Variants in RBM42 observed in about 807,000 individuals in gnomAD.
RBM42 encodes the protein RNA binding motif protein 42.
In RBM42, 21 loss-of-function variants were observed where a neutral mutation model predicts 41.4. The ratio of observed to expected loss-of-function variants is 0.51; its 90% CI spans 0.36 to 0.73. The LOEUF (loss-of-function observed/expected upper bound fraction) is 0.73. RBM42 is among the 30% of genes least tolerant of loss of function. The pLI, the probability that RBM42 is intolerant of heterozygous loss-of-function variation, is 0.00. For synonymous variants in RBM42, 272 were observed against 271.2 expected (o/e 1.00, Z -0.03); for missense variants, 539 against 680.4 (o/e 0.79, Z 2.31).
At chr19:35,629,498 G>A in intron 1 of RBM42, 22 bp from the exon 2 acceptor site, 1 of 1,613,416 alleles carries the variant, frequency 6.2e-7, no homozygotes, top group South Asian at 1.1e-5. Context: ...CCTGAGCGCT[G>A]ATGTCTGTTC....
intron 6 of RBM42, 102 bp from the exon 7 acceptor site, chr19:35,633,585 G>GC (rs1297579185): frequency 1.7e-6 from 2 of 1,168,974 alleles, no homozygotes; most frequent in Non-Finnish European, 2.2e-6. Context: ...TCTCTTGGCT[G>GC]CTCTCTGGCC....
chr19:35,637,341 G>A lies in RBM42; in HGVS notation c.1319G>A (p.Arg440His), dbSNP rs753990775. The A allele has an allele frequency of 1.7e-5, 27 of 1,614,120 alleles. No homozygotes were observed. Among genetic ancestry groups the A allele is most frequent in the Non-Finnish European group, 2.1e-5 (25 of 1,180,048 alleles). The part of the protein sequence containing the change: ...KDPSDYVRAM[R>H]EMNGKYVGSR... ...CCCAGCGACTACGTGCGCGCCATGC[G>A]TGAGATGAATGGTGGGTGCGGCCTC... The change falls in exon 9 of 10, where the codon CGT becomes CAT. Residue 440 changes from arginine to histidine, a missense_variant. Arg to His is a conservative substitution (Grantham distance 29). Around this residue, in one of 2 missense-constraint regions of RBM42, gnomAD observed 110 missense variants for 191.5 expected, o/e 0.57. Coordinates refer to ENST00000262633, the MANE Select transcript of RBM42 (RefSeq NM_024321.5). This position sits in a 1 kb window ranked among gnomAD's most constrained non-coding sequence, Gnocchi z 7.0.
rs1459077413 is a variant in RBM42 at position 35,634,300 on chromosome 19, G to T, written c.1062G>T (p.Glu354Asp). The T allele has an allele frequency of 1.2e-6, 2 of 1,614,200 alleles. No individual in the cohort carries two copies. The highest frequency in any genetic ancestry group is 8.5e-7 in the Non-Finnish European group (1 of 1,180,036). Residue 354 changes from glutamate (E) to aspartate (D), a missense_variant, in exon 8 of 10, where the codon GAG becomes GAT. Coordinates refer to ENST00000262633, the MANE Select transcript of RBM42 (RefSeq NM_024321.5). ...AAGACAAGAAGAAGGGGAAGCCAGA[G>T]AAATTGAAACGGTGCATTCGCACAG... ...LGEDKKKGKP[E>D]KLKRCIRTAA...
At position 35,634,253 on chromosome 19, in the gene RBM42, C is replaced by G. The variant is rs749896223; in HGVS notation, c.1018-3C>G. 3 of 1,613,266 alleles carry G rather than the reference C, an allele frequency of 1.9e-6. No individual in the cohort carries two copies. The African/African-American group carries it at 4.0e-5, about 22-fold the overall frequency. On this transcript the variant is annotated splice_polypyrimidine_tract_variant and splice_region_variant and intron_variant, in intron 7 of 9. Coordinates refer to ENST00000262633, the MANE Select transcript of RBM42 (RefSeq NM_024321.5). ...CTTTGCACCTCTCCCCTTTCCTCTG[C>G]AGGTCCCAGAGCCCCTGGGTGAAGA...
chr19:35,633,350 ACTTT>A lies in RBM42; in HGVS notation c.684+101_684+104del. The A allele has an allele frequency of 4.1e-6, 4 of 975,054 alleles. No homozygotes were observed. In the South Asian group the frequency reaches 4.7e-5, roughly 12 times the overall value. 60.4% of individuals were successfully genotyped at this position (975,054 alleles called of 1,614,324 possible). On this transcript the variant is annotated intron_variant, in intron 6 of 9. Transcript: ENST00000262633. ...TATGTCTGAGTTGGCCTCTCTCCTG[ACTTT>A]CTGTTTCTCTACCTTCTCACTCTGC...
At chr19:35,634,058 G>T (rs137887805) in intron 7 of RBM42, 39 bp downstream of exon 7, 8 of 1,467,760 alleles carry the variant, frequency 5.5e-6, no homozygotes, top group Non-Finnish European at 6.3e-6. Context: ...CAGAAGGGAC[G>T]GGGGGCAGAC....
intron 8 of RBM42, 92 bp downstream of exon 8, chr19:35,634,465 T>C: frequency 1.0e-5 from 9 of 873,740 alleles, no homozygotes; most frequent in Non-Finnish European, 1.5e-5. Context: ...GTGAACCCTC[T>C]CAGTAGGGTG....
At position 35,633,738 on chromosome 19, in the gene RBM42, A is replaced by C. The variant is rs1032788874; in HGVS notation, c.736A>C (p.Lys246Gln). Residue 246 changes from lysine to glutamine, a missense_variant, in exon 7 of 10, where the codon AAA (lysine) becomes CAA (glutamine). Lys to Gln is a moderately conservative substitution (Grantham distance 53). Around this residue, in one of 2 missense-constraint regions of RBM42, gnomAD observed 429 missense variants for 488.9 expected, o/e 0.88. Transcript: ENST00000262633. ...GGGCCTAGGCCTGGGGTTGGGCCTG[A>C]AAGAGAAGGAAGAGGCAGTGGTGGC... The part of the protein sequence containing the change: ...ELGLGLGLGL[K>Q]EKEEAVVAAA... 9.4e-6 allele frequency: 14 copies of C among 1,487,354 alleles called. No individual in the cohort carries two copies. The highest frequency in any genetic ancestry group is 1.2e-5 in the Non-Finnish European group (14 of 1,124,404). The allele number at this position is 1,487,354 out of a possible 1,614,324, so 92.1% of individuals were successfully genotyped here.
chr19:35,634,052 A>G, intron 7 of RBM42, 33 bp downstream of exon 7: 2 of 1,469,562 alleles, frequency 1.4e-6, no homozygotes, highest in Non-Finnish European at 1.8e-6. Flanking sequence ...AAGGGACAGA[A>G]GGGACGGGGG....
At position 35,629,195 on chromosome 19, in the gene RBM42, A is replaced by C; in HGVS notation, c.42A>C (p.Gly14=). The change falls in exon 1 of 10, where the codon GGA becomes GGC. Residue 14 remains glycine, a synonymous_variant. Coordinates refer to ENST00000262633, the MANE Select transcript of RBM42 (RefSeq NM_024321.5). ...AGPAPGLPGA[G]GPVVPGPGAG... ...CAGCCCCGGGACTCCCGGGTGCAGG[A>C]GGACCCGTGGTCCCGGGTCCTGGCG... is the stretch of plus-strand genomic sequence containing the variant. 1 of 1,534,768 alleles carries C rather than the reference A, an allele frequency of 6.5e-7. No homozygotes were observed. Among genetic ancestry groups the C allele is most frequent in the South Asian group, 1.2e-5 (1 of 83,704 alleles).
intron 2 of RBM42, among the ~76,000 whole-genome samples, chr19:35,630,535 A>C (rs920750325): frequency 1.3e-5 from 2 of 152,200 alleles, no homozygotes; most frequent in Admixed American, 6.5e-5. Flanking sequence ...TGGGAAGCCA[A>C]GGCGGGTAGA....
At chr19:35,632,812 C>A in intron 4 of RBM42, 124 bp from the exon 5 acceptor site, 1 of 648,558 alleles carries the variant, frequency 1.5e-6, no homozygotes, top group Non-Finnish European at 2.8e-6. Flanking sequence ...AGGAGGGCTC[C>A]CCAGACTCTT....
At position 35,629,076 on chromosome 19, in the gene RBM42, A is replaced by G; in HGVS notation, c.-78A>G. On this transcript the variant is annotated 5_prime_UTR_variant, in exon 1 of 10. Transcript: ENST00000262633. ...CATCCTCGGGAGCCCACCCGGACGA[A>G]GGGGGAGAGTAGACAGCAGAACCAG... 2.1e-6 allele frequency: 3 copies of G among 1,453,536 alleles called. No homozygotes were observed. The South Asian group carries it at 4.0e-5, about 19-fold the overall frequency. The allele number at this position is 1,453,536 out of a possible 1,614,324, so 90.0% of individuals were successfully genotyped here. A position where few individuals can be genotyped will look rare whatever the true frequency, so the allele number is the denominator to read the frequency against.
In RBM42 at chr19:35,633,763, C is replaced by G; in HGVS notation, c.761C>G (p.Ala254Gly). 6.7e-7 allele frequency: 1 copy of G among 1,485,452 alleles called. No individual in the cohort carries two copies. The highest frequency in any genetic ancestry group is 1.4e-5 in the South Asian group (1 of 71,754). 92.0% of individuals were successfully genotyped at this position (1,485,452 alleles called of 1,614,324 possible). A position where few individuals can be genotyped will look rare whatever the true frequency, so the allele number is the denominator to read the frequency against. The change falls in exon 7 of 10, where the codon GCG becomes GGG. Residue 254 changes from alanine to glycine, a missense_variant. By Grantham distance (60) the Ala-to-Gly change is moderately conservative. This residue lies in a region of RBM42 where 429 missense variants were observed against 488.9 expected (regional missense o/e 0.88). Transcript: ENST00000262633. ...AAAGAGAAGGAAGAGGCAGTGGTGG[C>G]GGCGGCGGCTGGGCTGGAGGAGGCT... ...GLKEKEEAVV[A>G]AAAGLEEASA...
intron 4 of RBM42, among the ~76,000 whole-genome samples, chr19:35,632,269 C>T (rs1207516598): frequency 6.6e-6 from 1 of 152,128 alleles, no homozygotes; most frequent in Non-Finnish European, 1.5e-5. Context: ...TGCTGTGGCT[C>T]CCCAGTGCCC....
chr19:35,635,136 G>A (rs1409519832), intron 8 of RBM42, among the ~76,000 whole-genome samples: 1 of 151,492 alleles, frequency 6.6e-6, no homozygotes, highest in Non-Finnish European at 1.5e-5. Context: ...CCAACATGGT[G>A]AAATCCCGTG....
At chr19:35,635,540 C>T (rs868377284) in intron 8 of RBM42, among the ~76,000 whole-genome samples, 11 of 121,536 alleles carry the variant, frequency 9.1e-5, no homozygotes, top group Middle Eastern at 9.2e-3. Context: ...TTTTTTGAAA[C>T]GGAGTCTTGC....
Position 35,633,005 on chromosome 19 carries a change from AG to A in RBM42, c.508+8del. On this transcript the variant is annotated splice_donor_5th_base_variant and intron_variant, in intron 5 of 9. Transcript: ENST00000262633. ...CCCCACGTGCTACAGAGAGCAGGTG[AG>A]GGGCCAGGGTCATCATCCCTGCCAC... 3.1e-6 allele frequency: 5 copies of A among 1,608,574 alleles called. No homozygotes were observed. Among genetic ancestry groups the A allele is most frequent in the Non-Finnish European group, 4.3e-6 (5 of 1,175,220 alleles).
At chr19:35,631,040 C>G in intron 2 of RBM42, 100 bp from the exon 3 acceptor site, 1 of 1,061,952 alleles carries the variant, frequency 9.4e-7, no homozygotes, top group South Asian at 1.3e-5. Context: ...CAGCCACATA[C>G]AGAGCACAAA....
Sources: allele counts gnomAD v4.1 joint callset (sites outside exome capture counted in the v4.1 genomes callset), GRCh38; gene constraint gnomAD v4.1.1; regional missense constraint gnomAD v4.1.1; non-coding constraint Gnocchi (gnomAD v3.1); transcripts MANE v1.5; gene names NCBI Gene and HGNC (gene_info 2026-07-23, HGNC 2026-07-21).